RBM6: variants seen among roughly 807,000 people sequenced by gnomAD.
RBM6 encodes RNA binding motif protein 6, also known as RNA-binding protein 6.
RBM6 carries 23 observed loss-of-function variants against 140.4 expected under a neutral mutation model. The ratio of observed to expected loss-of-function variants is 0.16; its 90% confidence interval spans 0.12 to 0.23. The LOEUF is 0.23. Among genes scored for constraint, RBM6 ranks in the 10% least tolerant of loss-of-function variants. RBM6 has a pLI of 1.00. For synonymous variants in RBM6, 439 were observed against 475.6 expected (o/e 0.92, Z 1.00); for missense variants, 1,139 against 1,386.7 (o/e 0.82, Z 2.84).
At chr3:49,945,017 C>T (rs2083428227) in intron 1 of RBM6, among the ~76,000 whole-genome samples, 1 of 151,704 alleles carries the variant, frequency 6.6e-6, no homozygotes, top group Non-Finnish European at 1.5e-5. Context: ...GCTGGGACTA[C>T]AGCATCCGCC....
chr3:50,028,307 A>G (rs992178865), intron 6 of RBM6, among the ~76,000 whole-genome samples: 4 of 152,106 alleles, frequency 2.6e-5, no homozygotes, highest in Non-Finnish European at 5.9e-5. Context: ...TAAGAAGTAT[A>G]GGGTAGTGGT....
At chr3:49,982,279 T>C (rs1012645858) in intron 5 of RBM6, among the ~76,000 whole-genome samples, 4 of 146,350 alleles carry the variant, frequency 2.7e-5, no homozygotes, top group African/African-American at 7.5e-5. Flanking sequence ...TTTTTTTTTT[T>C]TTTTTTTTTT....
At chr3:50,053,445 C>T (rs969679505) in intron 7 of RBM6, among the ~76,000 whole-genome samples, 2 of 151,946 alleles carry the variant, frequency 1.3e-5, no homozygotes, top group African/African-American at 2.4e-5. Flanking sequence ...GCAGGAGAAT[C>T]GCTTGAACCC....
At position 49,975,342 on chromosome 3, in the gene RBM6, C is replaced by T. The variant is rs753389223; in HGVS notation, c.1433C>T (p.Thr478Ile). 4 of 1,613,446 alleles carry T rather than the reference C, an allele frequency of 2.5e-6. No homozygotes were observed. Among genetic ancestry groups the T allele is most frequent in the African/African-American group, 2.7e-5 (2 of 74,894 alleles). Reference protein sequence around the residue: ...TKEEILNAFRTPDGMPVKNLQ... With the variant: ...TKEEILNAFRIPDGMPVKNLQ... ...TTGCAGATTCTTAATGCTTTTCGGA[C>T]TCCTGATGGCATGCCTGTAAAGAAC... Residue 478 changes from threonine (T) to isoleucine (I), a missense_variant, in exon 5 of 21, where the codon ACT becomes ATT. Coordinates refer to ENST00000266022, the MANE Select transcript of RBM6 (RefSeq NM_005777.3).
chr3:49,946,533 C>T (rs1201073961), intron 1 of RBM6, among the ~76,000 whole-genome samples: 1 of 151,756 alleles, frequency 6.6e-6, no homozygotes, highest in South Asian at 2.1e-4. Flanking sequence ...AGCCACCGCG[C>T]CTGGCATTTT....
intron 6 of RBM6, among the ~76,000 whole-genome samples, chr3:50,017,567 A>G (rs890742521): frequency 2.6e-5 from 4 of 151,984 alleles, no homozygotes; most frequent in Admixed American, 1.3e-4. Context: ...CAAAAAAAAA[A>G]AAAAGAAAAA....
In RBM6 at chr3:49,942,272, G is replaced by A. The variant is rs559477582; in HGVS notation, c.-67+2047G>A. Among the ~76,000 whole-genome samples, 8 of 143,932 alleles carry A rather than the reference G, an allele frequency of 5.6e-5. No homozygotes were observed. The South Asian group carries it at 1.4e-3, about 24-fold the overall frequency. The allele number at this position is 143,932 out of a possible 152,430, so 94.4% of individuals were successfully genotyped here. ...TGGGACGCCGAGGTGGGCGGATCAC[G>A]AGGTCAGGAGATCGAGACCATCCTG... On this transcript the variant is annotated intron_variant, in intron 1 of 20. Transcript: ENST00000266022.
chr3:50,032,488 A>AG (rs1022992037), intron 6 of RBM6, among the ~76,000 whole-genome samples: 3 of 151,362 alleles, frequency 2.0e-5, no homozygotes, highest in African/African-American at 7.3e-5. Context: ...ATCTCAAAAA[A>AG]AAAAAAAAAA....
chr3:49,988,513 C>T (rs1191237655), intron 5 of RBM6, among the ~76,000 whole-genome samples: 4 of 151,822 alleles, frequency 2.6e-5, no homozygotes, highest in Admixed American at 2.0e-4. Context: ...AGATATTCCT[C>T]GACTTGATCT....
chr3:50,012,644 A>C (rs1160584622), intron 6 of RBM6, among the ~76,000 whole-genome samples: 4 of 151,816 alleles, frequency 2.6e-5, no homozygotes, highest in East Asian at 1.9e-4. Flanking sequence ...GGCGTGAGCC[A>C]CCGTGCCTGG....
intron 7 of RBM6, 137 bp from the exon 8 acceptor site, chr3:50,054,198 T>G (rs1013311335): frequency 7.0e-6 from 5 of 712,110 alleles, no homozygotes; most frequent in Non-Finnish European, 1.2e-5. Flanking sequence ...GTGGGGAATA[T>G]CAGATTCTTT....
chr3:50,073,750 G>A (rs2090375961), intron 19 of RBM6, among the ~76,000 whole-genome samples: 1 of 152,012 alleles, frequency 6.6e-6, no homozygotes, highest in Non-Finnish European at 1.5e-5. Context: ...TGCCTACAGG[G>A]AGGCCTGAGC....
At chr3:49,979,574 G>T (rs759586612) in intron 5 of RBM6, among the ~76,000 whole-genome samples, 8 of 151,696 alleles carry the variant, frequency 5.3e-5, no homozygotes, top group Non-Finnish European at 8.8e-5. Flanking sequence ...CAAGTAACTG[G>T]GATTACAGGT....
intron 5 of RBM6, among the ~76,000 whole-genome samples, chr3:49,980,989 G>A (rs1260834211): frequency 2.6e-5 from 4 of 151,566 alleles, no homozygotes; most frequent in East Asian, 3.9e-4. Context: ...TGCAACCTCC[G>A]CCTCCTGGGT....
chr3:50,076,804 G>A (rs2090474562), intron 20 of RBM6, among the ~76,000 whole-genome samples: 1 of 151,808 alleles, frequency 6.6e-6, no homozygotes, highest in Non-Finnish European at 1.5e-5. Flanking sequence ...AGAATTGCTT[G>A]AACCGGGGAG....
chr3:50,003,835 C>T (rs1235689223), intron 6 of RBM6, among the ~76,000 whole-genome samples: 1 of 152,192 alleles, frequency 6.6e-6, no homozygotes, highest in Non-Finnish European at 1.5e-5. Context: ...CCATTTCTGT[C>T]TAGGAGAAGG....
intron 6 of RBM6, among the ~76,000 whole-genome samples, chr3:50,043,333 A>G (rs1254865448): frequency 6.6e-6 from 1 of 151,754 alleles, no homozygotes; most frequent in Non-Finnish European, 1.5e-5. Flanking sequence ...AAATACAAAA[A>G]TTATCCCGGT....
At chr3:49,947,099 AAAATT>A in intron 1 of RBM6, among the ~76,000 whole-genome samples, 1 of 150,540 alleles carries the variant, frequency 6.6e-6, no homozygotes, top group Non-Finnish European at 1.5e-5. Context: ...AAAAAAAAAA[AAAATT>A]AGCCGGGCGC....
chr3:50,055,117 C>T (rs77838212), intron 8 of RBM6, among the ~76,000 whole-genome samples: 3,195 of 152,288 alleles, frequency 0.021, 139 homozygotes, highest in African/African-American at 0.074. Context: ...CCACCACGAC[C>T]GGCCCAAACC....
Sources: gnomAD v4.1 joint callset for allele counts (sites outside exome capture counted in the v4.1 genomes callset) on GRCh38, gnomAD v4.1.1 for gene constraint, MANE v1.5 for transcripts, NCBI Gene and HGNC (gene_info 2026-07-23, HGNC 2026-07-21) for gene names.